Variants in TMEM192 observed in about 807,000 individuals in gnomAD.
TMEM192 encodes the protein transmembrane protein 192.
TMEM192 carries 20 observed loss-of-function variants against 26.7 expected under a neutral mutation model. That is an observed-to-expected ratio of 0.75 (90% confidence interval 0.53 to 1.09). The LOEUF is 1.09. Ranked by LOEUF, TMEM192 falls within the 50% of genes least tolerant of loss-of-function variation. The pLI is 0.00. For missense variants in TMEM192, 304 were observed against 322.6 expected (o/e 0.94, Z 0.44); for synonymous variants, 124 against 121.0 (o/e 1.02, Z -0.16).
At chr4:165,095,290 T>C (rs1286146859) in intron 3 of TMEM192, among the ~76,000 whole-genome samples, 1 of 152,146 alleles carries the variant, frequency 6.6e-6, no homozygotes, top group African/African-American at 2.4e-5. Context: ...AGAATTCTGA[T>C]TTTCAATTCC....
At chr4:165,107,639 T>C (rs1735195467) in intron 1 of TMEM192, among the ~76,000 whole-genome samples, 1 of 152,146 alleles carries the variant, frequency 6.6e-6, no homozygotes, top group Non-Finnish European at 1.5e-5. Context: ...CCACCACGCC[T>C]GGCCAAGGAT....
chr4:165,101,256 G>A (rs150675250), intron 2 of TMEM192, among the ~76,000 whole-genome samples: 1,877 of 152,010 alleles, frequency 0.012, 19 homozygotes, highest in South Asian at 0.027. Flanking sequence ...AATTACAGGT[G>A]TGAGCCACCG....
chr4:165,084,056 G>A (rs1387391111), intron 5 of TMEM192, among the ~76,000 whole-genome samples: 5 of 151,450 alleles, frequency 3.3e-5, no homozygotes, highest in East Asian at 1.9e-4. Flanking sequence ...TCCTGACCTC[G>A]TGATCTGCCC....
chr4:165,073,468 A>G lies in TMEM192; in HGVS notation c.*6190T>C, dbSNP rs1376038355. ...GCCCAAGAAAGCCTGGGTATTGTCC[A>G]AGGTTTCCTCCCACTGAGACAGCCT... On this transcript the variant is annotated 3_prime_UTR_variant, in exon 6 of 6. Transcript: ENST00000306480. The G allele has an allele frequency of 6.6e-6, 1 of 152,258 alleles. No individual in the cohort carries two copies. Among genetic ancestry groups the G allele is most frequent in the African/African-American group, 2.4e-5 (1 of 41,444 alleles). The allele number at this position is 152,258 out of a possible 1,614,324, so 9.4% of individuals were successfully genotyped here.
At position 165,077,184 on chromosome 4, in the gene TMEM192, T is replaced by C. The variant is rs1578895719; in HGVS notation, c.*2474A>G. ...GCATTCAGAAAAATGTTGATGATTATACAACAAACATGTTGATGATTACAT... is the reference window on the plus strand; with the variant it reads ...GCATTCAGAAAAATGTTGATGATTACACAACAAACATGTTGATGATTACAT... On this transcript the variant is annotated 3_prime_UTR_variant, in exon 6 of 6. Transcript: ENST00000306480. 6.6e-6 allele frequency: 1 copy of C among 152,362 alleles called. No homozygotes were observed. Among genetic ancestry groups the C allele is most frequent in the South Asian group, 2.1e-4 (1 of 4,830 alleles). The allele number at this position is 152,362 out of a possible 1,614,324, so 9.4% of individuals were successfully genotyped here.
chr4:165,098,439 T>TA (rs1734965277), intron 3 of TMEM192, among the ~76,000 whole-genome samples: 5 of 151,588 alleles, frequency 3.3e-5, no homozygotes, highest in East Asian at 3.9e-4. Flanking sequence ...CTTTTTTTTT[T>TA]TAAAACTTAA....
intron 5 of TMEM192, among the ~76,000 whole-genome samples, chr4:165,081,550 AT>A (rs202015298): frequency 0.068 from 2,285 of 33,480 alleles, 1,050 homozygotes; most frequent in East Asian, 0.3. Context: ...CGCCCGGCTA[AT>A]TTTTTTTTTT....
At chr4:165,110,705 CA>C (rs1051134973) in intron 1 of TMEM192, among the ~76,000 whole-genome samples, 13 of 152,020 alleles carry the variant, frequency 8.6e-5, no homozygotes, top group African/African-American at 2.9e-4. Flanking sequence ...AACTCCATCA[CA>C]AAAAAAGAAG....
At chr4:165,107,699 C>T (rs1162630724) in intron 1 of TMEM192, among the ~76,000 whole-genome samples, 2 of 152,018 alleles carry the variant, frequency 1.3e-5, no homozygotes, top group African/African-American at 2.4e-5. Context: ...TTATGATACC[C>T]GTCTTTCATG....
At position 165,079,454 on chromosome 4, in the gene TMEM192, G is replaced by A. The variant is rs1003179584; in HGVS notation, c.*204C>T. On this transcript the variant is annotated 3_prime_UTR_variant, in exon 6 of 6. Transcript: ENST00000306480. ...AACAGACATTCCCCTCAAGTTATCC[G>A]GGCTTCTACAGGTACTTTTCAAGTG... is the stretch of plus-strand genomic sequence containing the variant. 4.7e-5 allele frequency: 22 copies of A among 470,726 alleles called. No individual in the cohort carries two copies. Among genetic ancestry groups the A allele is most frequent in the Middle Eastern group, 5.5e-4 (1 of 1,826 alleles). The allele number at this position is 470,726 out of a possible 1,614,324, so 29.2% of individuals were successfully genotyped here. A position where few individuals can be genotyped will look rare whatever the true frequency, so the allele number is the denominator to read the frequency against.
chr4:165,087,332 C>T (rs1400328833), intron 4 of TMEM192, among the ~76,000 whole-genome samples: 1 of 152,048 alleles, frequency 6.6e-6, no homozygotes, highest in Non-Finnish European at 1.5e-5. Context: ...ATGATGAGTA[C>T]CTAACCAAGG....
rs1441199917 is a variant in TMEM192 at position 165,112,777 on chromosome 4, C to T, written c.-4G>A. 1.1e-5 allele frequency: 18 copies of T among 1,607,606 alleles called. No homozygotes were observed. The East Asian group carries it at 4.0e-4, about 36-fold the overall frequency. ...CCATCCTGCCCCCCGCCGCCATTTCCCGACGCCGGAGGCCGAAGCCCTGGC... is the reference window on the plus strand; with the variant it reads ...CCATCCTGCCCCCCGCCGCCATTTCTCGACGCCGGAGGCCGAAGCCCTGGC... On this transcript the variant is annotated 5_prime_UTR_variant, in exon 1 of 6. Coordinates refer to ENST00000306480, the MANE Select transcript of TMEM192 (RefSeq NM_001100389.2).
At chr4:165,087,161 G>C (rs745975146) in intron 4 of TMEM192, among the ~76,000 whole-genome samples, 40 of 152,104 alleles carry the variant, frequency 2.6e-4, no homozygotes, top group Non-Finnish European at 5.9e-4. Context: ...GAAAACGTTA[G>C]ATTTTTTTTC....
At chr4:165,083,099 T>C (rs533449701) in intron 5 of TMEM192, among the ~76,000 whole-genome samples, 1 of 39,918 alleles carries the variant, frequency 2.5e-5, no homozygotes, top group African/African-American at 4.5e-5. Context: ...TTAAAAAGCT[T>C]TCCATTAAGT....
At chr4:165,090,489 C>T (rs2110758464) in intron 3 of TMEM192, among the ~76,000 whole-genome samples, 1 of 152,212 alleles carries the variant, frequency 6.6e-6, no homozygotes, top group Non-Finnish European at 1.5e-5. Flanking sequence ...ACTTGGGACC[C>T]TGCTGGACCT....
rs759600890 is a variant in TMEM192, at chr4:165,112,763, C to T, written c.11G>A (p.Gly4Glu). 1 of 1,608,432 alleles carries T rather than the reference C, an allele frequency of 6.2e-7. No individual in the cohort carries two copies. Among genetic ancestry groups the T allele is most frequent in the Non-Finnish European group, 8.5e-7 (1 of 1,179,080 alleles). Residue 4 changes from glycine (G) to glutamate (E), a missense_variant, in exon 1 of 6, where the codon GGG becomes GAG. Gly to Glu is a moderately conservative substitution (Grantham distance 98, BLOSUM62 -2). Transcript: ENST00000306480. ...TGCACTCACGTCCTCCATCCTGCCCCCCGCCGCCATTTCCCGACGCCGGAG... is the reference window on the plus strand; with the variant it reads ...TGCACTCACGTCCTCCATCCTGCCCTCCGCCGCCATTTCCCGACGCCGGAG... MAA[G>E]GRMEDGSLDI...
chr4:165,100,859 C>T lies in TMEM192; in HGVS notation c.208G>A (p.Val70Met), dbSNP rs1238578807. The T allele has an allele frequency of 1.9e-6, 3 of 1,612,790 alleles. No homozygotes were observed. The highest frequency in any genetic ancestry group is 1.7e-5 in the Admixed American group (1 of 59,786). ...TTTGGATTAGGATAAGAACAAAGCA[C>T]ACCTGTTAAAAATGCTAAAACAACA... ...VFVVLAFLTGVLCSYPNPNED... is the reference protein window; with the variant it reads ...VFVVLAFLTGMLCSYPNPNED... The change falls in exon 3 of 6, where the codon GTG becomes ATG. Residue 70 changes from valine to methionine, a missense_variant. By Grantham distance (21) the Val-to-Met change is conservative. Coordinates refer to ENST00000306480, the MANE Select transcript of TMEM192 (RefSeq NM_001100389.2).
At chr4:165,085,540 T>C in intron 5 of TMEM192, 46 bp downstream of exon 5, 1 of 1,299,062 alleles carries the variant, frequency 7.7e-7, no homozygotes, top group Non-Finnish European at 1.1e-6. Context: ...GTTTCTAGCT[T>C]TCTAGGGGAA....
chr4:165,110,942 T>G (rs535385764), intron 1 of TMEM192, among the ~76,000 whole-genome samples: 2 of 152,312 alleles, frequency 1.3e-5, no homozygotes, highest in South Asian at 4.1e-4. Flanking sequence ...CTCATTTAAG[T>G]GTCTGTAACT....
Sources: gnomAD v4.1 joint callset for allele counts (sites outside exome capture counted in the v4.1 genomes callset) on GRCh38, gnomAD v4.1.1 for gene constraint, MANE v1.5 for transcripts, NCBI Gene and HGNC (gene_info 2026-07-23, HGNC 2026-07-21) for gene names.